The following IGBP1C variants were observed in gnomAD, a reference collection of about 807,000 sequenced individuals.
The protein encoded by IGBP1C is immunoglobulin-binding protein 1 family member C.
the IGBP1C span, among the ~76,000 whole-genome samples, chr17:58,687,998 T>C: frequency 1.3e-5 from 2 of 152,244 alleles, no homozygotes; most frequent in Non-Finnish European, 2.9e-5. Context: ...TTTAGTGATC[T>C]AGTCTTCAGA....
the IGBP1C span, among the ~76,000 whole-genome samples, chr17:58,672,223 G>A: frequency 3.9e-5 from 6 of 152,086 alleles, no homozygotes; most frequent in East Asian, 1.9e-4. Flanking sequence ...CCTGCTGTGC[G>A]GCCTAGTTCC....
the IGBP1C span, among the ~76,000 whole-genome samples, chr17:58,685,271 TAAAAA>T: frequency 2.0e-5 from 3 of 150,268 alleles, no homozygotes; most frequent in Non-Finnish European, 3.0e-5. Context: ...CCGTCTCTAC[TAAAAA>T]AATACAAAAA....
chr17:58,673,937 A>G, the IGBP1C span, among the ~76,000 whole-genome samples: 1 of 152,122 alleles, frequency 6.6e-6, no homozygotes, highest in East Asian at 1.9e-4. Context: ...ATTTTCTACA[A>G]ACATCTTCAA....
chr17:58,681,422 T>C, the IGBP1C span, among the ~76,000 whole-genome samples: 1 of 152,158 alleles, frequency 6.6e-6, no homozygotes, highest in East Asian at 1.9e-4. Flanking sequence ...GTTCTGACAG[T>C]CTATCAGTTT....
At chr17:58,670,694 A>G in the IGBP1C span, among the ~76,000 whole-genome samples, 1 of 146,898 alleles carries the variant, frequency 6.8e-6, no homozygotes, top group South Asian at 2.2e-4. Context: ...AATTGCTTGA[A>G]CCCGGGAGGT....
chr17:58,666,458 C>CAAAAAAAAAAAAAAA, the IGBP1C span: 1 of 36,812 alleles, frequency 2.7e-5, no homozygotes, highest in Non-Finnish European at 4.7e-5. Context: ...CCTTCCACGG[C>CAAAAAAAAAAAAAAA]AAAAAAAAAA....
chr17:58,662,318 C>T, the IGBP1C span, among the ~76,000 whole-genome samples: 2 of 151,336 alleles, frequency 1.3e-5, no homozygotes, highest in Non-Finnish European at 2.9e-5. Context: ...GGCGTGGTGG[C>T]GGGTGCCTGT....
At chr17:58,688,263 G>A in the IGBP1C span, among the ~76,000 whole-genome samples, 1 of 151,920 alleles carries the variant, frequency 6.6e-6, no homozygotes, top group African/African-American at 2.4e-5. Flanking sequence ...TGGGACTATA[G>A]GTACCCTCCA....
At chr17:58,667,026 C>T in the IGBP1C span, among the ~76,000 whole-genome samples, 7,394 of 152,310 alleles carry the variant, frequency 0.049, 378 homozygotes, top group African/African-American at 0.13. Flanking sequence ...CAAGTGACGT[C>T]TGTCAGGCCA....
chr17:58,681,935 A>ATTACCACCAAACAATTC, the IGBP1C span, among the ~76,000 whole-genome samples: 1 of 152,208 alleles, frequency 6.6e-6, no homozygotes, highest in Non-Finnish European at 1.5e-5. Context: ...CTATACTGCC[A>ATTACCACCAAACAATTC]TTACCACCAA....
At chr17:58,681,575 C>T in the IGBP1C span, among the ~76,000 whole-genome samples, 4 of 151,496 alleles carry the variant, frequency 2.6e-5, no homozygotes, top group East Asian at 2.0e-4. Context: ...GAGGGCTGGT[C>T]GCAGTGGCTC....
the IGBP1C span, among the ~76,000 whole-genome samples, chr17:58,665,644 C>T: frequency 8.0e-4 from 121 of 152,000 alleles, no homozygotes; most frequent in African/African-American, 2.7e-3. Flanking sequence ...GTTTACCTCA[C>T]TAAAGTTCCT....
the IGBP1C span, among the ~76,000 whole-genome samples, chr17:58,670,771 TTAAAAAAAAAAAA>T: frequency 3.8e-4 from 3 of 7,956 alleles, no homozygotes; most frequent in African/African-American, 4.6e-4. Flanking sequence ...AGACTCCCTC[TTAAAAAAAAAAAA>T]AAAAAAAAAA....
the IGBP1C span, among the ~76,000 whole-genome samples, chr17:58,670,725 A>G: frequency 7.5e-6 from 1 of 133,798 alleles, no homozygotes; most frequent in Non-Finnish European, 1.5e-5. Context: ...GTGAGTCAAG[A>G]TTGCGCCACT....
At chr17:58,680,672 G>T in the IGBP1C span, among the ~76,000 whole-genome samples, 1 of 152,044 alleles carries the variant, frequency 6.6e-6, no homozygotes, top group Non-Finnish European at 1.5e-5. Context: ...GGAGATGGAG[G>T]TTGCAATGAG....
the IGBP1C span, among the ~76,000 whole-genome samples, chr17:58,662,133 G>A: frequency 5.6e-5 from 8 of 143,952 alleles, no homozygotes; most frequent in Non-Finnish European, 7.6e-5. Flanking sequence ...GAGCCACCAC[G>A]CCTGGCCTAA....
the IGBP1C span, chr17:58,675,353 C>A: frequency 6.5e-6 from 1 of 154,258 alleles, no homozygotes; most frequent in South Asian, 1.7e-4. Context: ...AAGATTGTGC[C>A]AAGCCTTGAG....
chr17:58,680,999 G>A, the IGBP1C span, among the ~76,000 whole-genome samples: 1 of 152,072 alleles, frequency 6.6e-6, no homozygotes, highest in East Asian at 1.9e-4. Flanking sequence ...TAAAAATCTT[G>A]GGCCAGGTGC....
chr17:58,670,771 TTAAAAAA>T, the IGBP1C span, among the ~76,000 whole-genome samples: 6 of 7,952 alleles, frequency 7.5e-4, 1 homozygote, highest in African/African-American at 1.8e-3. Flanking sequence ...AGACTCCCTC[TTAAAAAA>T]AAAAAAAAAA....
Sources: allele counts gnomAD v4.1 joint callset (sites outside exome capture counted in the v4.1 genomes callset), GRCh38; gene constraint gnomAD v4.1.1; transcripts MANE v1.5; gene names NCBI Gene and HGNC (gene_info 2026-07-23, HGNC 2026-07-21).